Variants in TAFA5 observed in about 807,000 individuals in gnomAD.
TAFA5 encodes chemokine-like protein TAFA-5.
TAFA5 carries 6 observed loss-of-function variants against 15.3 expected under a neutral mutation model. That is an observed-to-expected ratio of 0.39 (90% confidence interval 0.21 to 0.77). The LOEUF is 0.77. Among genes scored for constraint, TAFA5 ranks in the 30% least tolerant of loss-of-function variants. The probability of loss-of-function intolerance (pLI) is 0.41; values close to 1 mark genes in which losing one functional copy is unlikely to be tolerated. For synonymous variants in TAFA5, 103 were observed against 80.7 expected, an observed-to-expected ratio of 1.28 and a Z score of -1.48; for missense variants, 161 against 193.1, an observed-to-expected ratio of 0.83 and a Z score of 0.98.
At chr22:48,643,691 A>G (rs1926764576) in intron 1 of TAFA5, among the ~76,000 whole-genome samples, 3 of 152,106 alleles carry the variant, frequency 2.0e-5, no homozygotes, top group Admixed American at 6.5e-5. Context: ...GCTCAGCAGT[A>G]CCCCAGCACT....
chr22:48,697,780 T>C (rs1452236969), intron 2 of TAFA5, among the ~76,000 whole-genome samples: 1 of 110,286 alleles, frequency 9.1e-6, no homozygotes, highest in Non-Finnish European at 1.8e-5. Flanking sequence ...GATAAAATGA[T>C]GATGGTGATG....
chr22:48,739,551 G>A (rs572322181), intron 3 of TAFA5, among the ~76,000 whole-genome samples: 1 of 152,274 alleles, frequency 6.6e-6, no homozygotes, highest in Non-Finnish European at 1.5e-5. Context: ...CCTGCATGCA[G>A]GTGCTGTGTC....
At chr22:48,542,229 G>A (rs879463075) in intron 1 of TAFA5, among the ~76,000 whole-genome samples, 2 of 146,302 alleles carry the variant, frequency 1.4e-5, no homozygotes, top group Admixed American at 1.4e-4. Context: ...TGGTGTGTGT[G>A]CTGTGTGTGT....
chr22:48,540,509 T>C (rs1922328324), intron 1 of TAFA5, among the ~76,000 whole-genome samples: 1 of 152,078 alleles, frequency 6.6e-6, no homozygotes, highest in Admixed American at 6.5e-5. Flanking sequence ...AGCCTTTGAC[T>C]TCTAGGGTGT....
At chr22:48,576,340 A>C in intron 1 of TAFA5, 1 of 1,037,512 alleles carries the variant, frequency 9.6e-7, no homozygotes, top group South Asian at 4.5e-5. Context: ...TGGCGCCTCC[A>C]GTCGCGGCGG....
chr22:48,607,935 C>A (rs1313776590), intron 1 of TAFA5, among the ~76,000 whole-genome samples: 2 of 151,956 alleles, frequency 1.3e-5, no homozygotes, highest in Non-Finnish European at 2.9e-5. Context: ...GGGGTCGTTT[C>A]CCTTTGGAGA....
In TAFA5 at chr22:48,566,465, A is replaced by T. The variant is rs1923412574; in HGVS notation, c.112+76761A>T. Among the ~76,000 whole-genome samples the T allele has an allele frequency of 1.3e-5, 2 of 151,128 alleles. No individual in the cohort carries two copies. The highest frequency in any genetic ancestry group is 4.2e-4 in the South Asian group (2 of 4,762). ...GAATGATTGATTGATGGAGGGATGG[A>T]TGTTGGATGGGTGGATGACAGATGG... is the stretch of plus-strand genomic sequence containing the variant. On this transcript the variant is annotated intron_variant, in intron 1 of 3. Transcript: ENST00000402357. The surrounding 1 kb of genome is among the most constrained non-coding windows in gnomAD (Gnocchi z 4.5).
intron 1 of TAFA5, among the ~76,000 whole-genome samples, chr22:48,574,579 G>A (rs1386242671): frequency 6.6e-6 from 1 of 152,176 alleles, no homozygotes; most frequent in Non-Finnish European, 1.5e-5. Context: ...GCAAGGAGGA[G>A]ACAGCCTTCA....
intron 2 of TAFA5, among the ~76,000 whole-genome samples, chr22:48,703,001 C>G (rs2147247682): frequency 6.6e-6 from 1 of 152,370 alleles, no homozygotes; most frequent in East Asian, 1.9e-4. Context: ...TCTGCAAATG[C>G]TGAGAGCAGG....
intron 2 of TAFA5, among the ~76,000 whole-genome samples, chr22:48,649,728 G>A (rs1926986123): frequency 6.6e-6 from 1 of 152,082 alleles, no homozygotes; most frequent in African/African-American, 2.4e-5. Flanking sequence ...ACACATGGTG[G>A]CCGGGGCGCC....
chr22:48,733,329 G>A (rs130213), intron 3 of TAFA5, among the ~76,000 whole-genome samples: 47,513 of 152,128 alleles, frequency 0.31, 8,642 homozygotes, highest in Non-Finnish European at 0.42. Context: ...AGGGCCCAGC[G>A]TCCATCTGAA....
At chr22:48,531,322 C>T (rs1469571802) in intron 1 of TAFA5, among the ~76,000 whole-genome samples, 1 of 152,214 alleles carries the variant, frequency 6.6e-6, no homozygotes, top group Admixed American at 6.5e-5. Flanking sequence ...GTGATGAAGA[C>T]TGGGCAGGTG....
chr22:48,617,396 C>T (rs1248386871), intron 1 of TAFA5, among the ~76,000 whole-genome samples: 3 of 152,234 alleles, frequency 2.0e-5, no homozygotes, highest in African/African-American at 2.4e-5. Flanking sequence ...GCCAGTGAAG[C>T]TGGGCTCAGA....
At chr22:48,601,070 C>CA (rs1924952798) in intron 1 of TAFA5, among the ~76,000 whole-genome samples, 1 of 152,218 alleles carries the variant, frequency 6.6e-6, no homozygotes, top group African/African-American at 2.4e-5. Context: ...CAGAGAGACT[C>CA]ACGTGTACAC....
chr22:48,699,781 A>G (rs1451742429), intron 2 of TAFA5, among the ~76,000 whole-genome samples: 3 of 152,216 alleles, frequency 2.0e-5, no homozygotes, highest in Non-Finnish European at 4.4e-5. Flanking sequence ...GCGACTGCGA[A>G]CAGAAGAAAT....
chr22:48,572,828 A>G (rs967760430), intron 1 of TAFA5, among the ~76,000 whole-genome samples: 2 of 152,254 alleles, frequency 1.3e-5, no homozygotes, highest in Non-Finnish European at 2.9e-5. Flanking sequence ...GGTGAAAATA[A>G]GCAATAGACT....
Position 48,521,689 on chromosome 22 carries a change from G to A in TAFA5, c.112+31985G>A, listed in dbSNP as rs189797955. ...AGGATGCGTGGCCACAGATGGACCC[G>A]ATCCGTTAGGTGTAAAAGGTAAATA... On this transcript the variant is annotated intron_variant, in intron 1 of 3. Transcript: ENST00000402357. Among the ~76,000 whole-genome samples, 46 of 152,274 alleles carry A rather than the reference G, an allele frequency of 3.0e-4. 1 individual carries two copies. In the East Asian group the frequency reaches 7.5e-3, roughly 25 times the overall value.
At chr22:48,656,667 A>C (rs908966307) in intron 2 of TAFA5, among the ~76,000 whole-genome samples, 1 of 151,756 alleles carries the variant, frequency 6.6e-6, no homozygotes, top group Non-Finnish European at 1.5e-5. Flanking sequence ...AAAGTAGAAT[A>C]TAGAAAAATA....
intron 1 of TAFA5, among the ~76,000 whole-genome samples, chr22:48,542,508 G>GT (rs1418830786): frequency 1.1e-4 from 13 of 122,666 alleles, no homozygotes; most frequent in Non-Finnish European, 1.8e-4. Context: ...GTGCGTGTGT[G>GT]GCATGTGTGT....
Sources: gnomAD v4.1 joint callset for allele counts (sites outside exome capture counted in the v4.1 genomes callset) on GRCh38, gnomAD v4.1.1 for gene constraint, Gnocchi (gnomAD v3.1) non-coding constraint, MANE v1.5 for transcripts, NCBI Gene and HGNC (gene_info 2026-07-23, HGNC 2026-07-21) for gene names.